Variants in ATP6V0D1 observed in about 807,000 individuals in gnomAD.
ATP6V0D1 encodes ATPase H+ transporting V0 subunit d1, also known as V-type proton ATPase subunit d 1.
In ATP6V0D1, 13 loss-of-function variants were observed where a neutral mutation model predicts 39.0. The ratio of observed to expected loss-of-function variants is 0.33; its 90% CI spans 0.22 to 0.53. ATP6V0D1 has a LOEUF of 0.53. Ranked by LOEUF, ATP6V0D1 falls within the 20% of genes least tolerant of loss-of-function variation. The pLI is 0.94. For synonymous variants in ATP6V0D1, 191 were observed against 191.2 expected (o/e 1.00, Z 0.01); for missense variants, 272 against 470.9 (o/e 0.58, Z 3.91).
chr16:67,458,259 C>G (rs2041258146), intron 1 of ATP6V0D1, among the ~76,000 whole-genome samples: 1 of 152,224 alleles, frequency 6.6e-6, no homozygotes, highest in Non-Finnish European at 1.5e-5. Flanking sequence ...CCTGCTCTCT[C>G]TGAGGGATGC....
intron 1 of ATP6V0D1, among the ~76,000 whole-genome samples, chr16:67,473,540 T>G (rs2041391901): frequency 6.6e-6 from 1 of 152,132 alleles, no homozygotes; most frequent in African/African-American, 2.4e-5. Context: ...GTTTGTTTGT[T>G]TGAGACAGAG....
Position 67,444,755 on chromosome 16 carries a change from A to C in ATP6V0D1, c.303-49T>G. On this transcript the variant is annotated intron_variant, in intron 2 of 7. Transcript: ENST00000290949. The surrounding 1 kb of genome is among the most constrained non-coding windows in gnomAD (Gnocchi z 4.8). ...GGAGCCCATCAAGGTGGGGGCCGGG[A>C]AGTCCTGGCATAGCACCATGCCCTC... The C allele has an allele frequency of 6.6e-7, 1 of 1,508,870 alleles. No homozygotes were observed. Among genetic ancestry groups the C allele is most frequent in the Non-Finnish European group, 8.9e-7 (1 of 1,122,654 alleles). The allele number at this position is 1,508,870 out of a possible 1,614,324, so 93.5% of individuals were successfully genotyped here. A position where few individuals can be genotyped will look rare whatever the true frequency, so the allele number is the denominator to read the frequency against.
intron 3 of ATP6V0D1, among the ~76,000 whole-genome samples, chr16:67,443,872 C>T (rs1471959828): frequency 6.6e-6 from 1 of 152,226 alleles, no homozygotes; most frequent in Non-Finnish European, 1.5e-5. Flanking sequence ...CAGCTTAGAG[C>T]CCTGTAGTTC....
intron 4 of ATP6V0D1, 22 bp downstream of exon 4, chr16:67,443,077 C>T (rs779065359): frequency 6.2e-7 from 1 of 1,612,642 alleles, no homozygotes; most frequent in African/African-American, 1.3e-5. Flanking sequence ...GCCAATCCCC[C>T]ATGGCTTGTG....
At chr16:67,448,239 A>C (rs1270966001) in intron 2 of ATP6V0D1, among the ~76,000 whole-genome samples, 1 of 151,928 alleles carries the variant, frequency 6.6e-6, no homozygotes, top group African/African-American at 2.4e-5. Context: ...GTAATACCAG[A>C]CACTTGGGAG....
At chr16:67,446,901 A>G (rs1020110661) in intron 2 of ATP6V0D1, among the ~76,000 whole-genome samples, 15 of 152,172 alleles carry the variant, frequency 9.9e-5, no homozygotes, top group Admixed American at 5.9e-4. Context: ...CTGTCAGAGC[A>G]GATAAGGCCC....
In ATP6V0D1 at chr16:67,444,805, C is replaced by T; in HGVS notation, c.303-99G>A. 2 of 1,144,768 alleles carry T rather than the reference C, an allele frequency of 1.7e-6. No homozygotes were observed. The highest frequency in any genetic ancestry group is 2.4e-6 in the Non-Finnish European group (2 of 826,722). 70.9% of individuals were successfully genotyped at this position (1,144,768 alleles called of 1,614,324 possible). A position where few individuals can be genotyped will look rare whatever the true frequency, so the allele number is the denominator to read the frequency against. Reference sequence around the variant, plus strand: ...CGCCCGCCTGCACAGGCCATCACCCCTTAACAATGTATGCTGACTCATGGG... The same window carrying T: ...CGCCCGCCTGCACAGGCCATCACCCTTTAACAATGTATGCTGACTCATGGG... On this transcript the variant is annotated intron_variant, in intron 2 of 7. Coordinates refer to ENST00000290949, the MANE Select transcript of ATP6V0D1 (RefSeq NM_004691.5). This position sits in a 1 kb window ranked among gnomAD's most constrained non-coding sequence, Gnocchi z 4.8.
At chr16:67,467,350 CA>C (rs2041338654) in intron 1 of ATP6V0D1, among the ~76,000 whole-genome samples, 1 of 152,070 alleles carries the variant, frequency 6.6e-6, no homozygotes, top group East Asian at 1.9e-4. Context: ...ACTAAAAAGA[CA>C]AAAATTAGGC....
chr16:67,468,433 C>T (rs2041347176), intron 1 of ATP6V0D1, among the ~76,000 whole-genome samples: 1 of 151,904 alleles, frequency 6.6e-6, no homozygotes, highest in African/African-American at 2.4e-5. Flanking sequence ...ACAAAACATA[C>T]AAAAATTAGC....
intron 1 of ATP6V0D1, among the ~76,000 whole-genome samples, chr16:67,466,278 C>T (rs993138785): frequency 6.8e-6 from 1 of 147,804 alleles, no homozygotes; most frequent in Non-Finnish European, 1.5e-5. Context: ...GTCGAGGGCT[C>T]GAGACCAGCC....
At chr16:67,449,490 A>G (rs1292156228) in intron 2 of ATP6V0D1, among the ~76,000 whole-genome samples, 1 of 152,186 alleles carries the variant, frequency 6.6e-6, no homozygotes, top group Non-Finnish European at 1.5e-5. Context: ...ACATAACAAC[A>G]TGTTAGTGGC....
intron 3 of ATP6V0D1, 28 bp from the exon 4 acceptor site, chr16:67,443,206 G>A: frequency 4.3e-6 from 7 of 1,611,618 alleles, no homozygotes; most frequent in Middle Eastern, 1.7e-4. Flanking sequence ...TTTGAGGGGT[G>A]GGCAGGTGGC....
chr16:67,447,891 C>T lies in ATP6V0D1; in HGVS notation c.303-3185G>A, dbSNP rs543319942. Among the ~76,000 whole-genome samples the T allele has an allele frequency of 5.9e-5, 9 of 152,348 alleles. No individual in the cohort carries two copies. Among genetic ancestry groups the T allele is most frequent in the African/African-American group, 1.7e-4 (7 of 41,584 alleles). ...CTGCCAGCCTGTCCACTGCAGTCCC[C>T]AGCAGGTGCTCCAGTGAGCTGCTAA... On this transcript the variant is annotated intron_variant, in intron 2 of 7. Coordinates refer to ENST00000290949, the MANE Select transcript of ATP6V0D1 (RefSeq NM_004691.5). This position sits in a 1 kb window ranked among gnomAD's most constrained non-coding sequence, Gnocchi z 4.1.
intron 2 of ATP6V0D1, among the ~76,000 whole-genome samples, chr16:67,446,787 T>C (rs112551260): frequency 5.9e-5 from 9 of 152,162 alleles, no homozygotes; most frequent in African/African-American, 2.2e-4. Flanking sequence ...AGAAGGATGC[T>C]TTCTTATGCT....
chr16:67,439,144 C>G lies in ATP6V0D1; in HGVS notation c.643G>C (p.Glu215Gln). Residue 215 changes from glutamate to glutamine, a missense_variant, in exon 6 of 8, where the codon GAA becomes CAA. Coordinates refer to ENST00000290949, the MANE Select transcript of ATP6V0D1 (RefSeq NM_004691.5). ...ADAMCPILEF[E>Q]ADRRAFIITI... ...ATGATGAAGGCGCGGCGGTCTGCTTCAAACTGTGGAGCCAGTGCACAGGTA... is the reference window on the plus strand; with the variant it reads ...ATGATGAAGGCGCGGCGGTCTGCTTGAAACTGTGGAGCCAGTGCACAGGTA... 3 of 1,614,004 alleles carry G rather than the reference C, an allele frequency of 1.9e-6. No individual in the cohort carries two copies. Among genetic ancestry groups the G allele is most frequent in the Non-Finnish European group, 2.5e-6 (3 of 1,179,864 alleles).
At chr16:67,445,230 C>T (rs1033885449) in intron 2 of ATP6V0D1, among the ~76,000 whole-genome samples, 10 of 152,180 alleles carry the variant, frequency 6.6e-5, no homozygotes, top group Non-Finnish European at 1.5e-4. Flanking sequence ...GCGCAGCAGC[C>T]GGCAGCACGG....
intron 1 of ATP6V0D1, among the ~76,000 whole-genome samples, chr16:67,461,437 C>T (rs2041288613): frequency 6.6e-6 from 1 of 152,206 alleles, no homozygotes; most frequent in Non-Finnish European, 1.5e-5. Flanking sequence ...CAGAACTCTG[C>T]ACCACCCACC....
At chr16:67,475,225 A>C (rs550772751) in intron 1 of ATP6V0D1, among the ~76,000 whole-genome samples, 48 of 152,336 alleles carry the variant, frequency 3.2e-4, no homozygotes, top group Admixed American at 5.2e-4. Flanking sequence ...TTCCAGCCAC[A>C]GTCCTAACCA....
In ATP6V0D1 at chr16:67,456,973, T is replaced by A. The variant is rs1390876714; in HGVS notation, c.131-3258A>T. ...GATCCTCATGAGCTCTCAAGCAGCA[T>A]GAAACTTCCTCTGCTCCAGCCTCCC... is the stretch of plus-strand genomic sequence containing the variant. On this transcript the variant is annotated intron_variant, in intron 1 of 7. Transcript: ENST00000290949. This position sits in a 1 kb window ranked among gnomAD's most constrained non-coding sequence, Gnocchi z 4.1. The A allele has an allele frequency of 6.6e-6, 1 of 152,606 alleles. No homozygotes were observed. The highest frequency in any genetic ancestry group is 1.5e-5 in the Non-Finnish European group (1 of 68,308). 9.5% of individuals were successfully genotyped at this position (152,606 alleles called of 1,614,324 possible). A position where few individuals can be genotyped will look rare whatever the true frequency, so the allele number is the denominator to read the frequency against.
Sources: allele counts gnomAD v4.1 joint callset (sites outside exome capture counted in the v4.1 genomes callset), GRCh38; gene constraint gnomAD v4.1.1; non-coding constraint Gnocchi (gnomAD v3.1); transcripts MANE v1.5; gene names NCBI Gene and HGNC (gene_info 2026-07-23, HGNC 2026-07-21).